TSC22D3: variants seen among roughly 807,000 people sequenced by gnomAD.
The protein encoded by TSC22D3 is TSC22 domain family member 3.
TSC22D3 carries 4 observed loss-of-function variants against 11.1 expected under a neutral mutation model. The observed-to-expected ratio is 0.36, with a 90% CI of 0.18 to 0.83. TSC22D3 has a LOEUF of 0.83. Among genes scored for constraint, TSC22D3 ranks in the 40% least tolerant of loss-of-function variants. The probability of loss-of-function intolerance (pLI) is 0.48; values close to 1 mark genes in which losing one functional copy is unlikely to be tolerated. For missense variants in TSC22D3, 118 were observed against 159.4 expected, an observed-to-expected ratio of 0.74 and a Z score of 1.40; for synonymous variants, 77 against 70.3, an observed-to-expected ratio of 1.10 and a Z score of -0.48.
intron 1 of TSC22D3, among the ~76,000 whole-genome samples, chrX:107,737,201 A>T (rs1393195881): frequency 9.0e-6 from 1 of 111,687 alleles, no homozygotes; most frequent in Non-Finnish European, 1.9e-5. Context: ...GACAAGGGGC[A>T]TGCTGAGGTA....
At chrX:107,742,384 GAGAA>G (rs1401593609) in intron 1 of TSC22D3, among the ~76,000 whole-genome samples, 4 of 107,086 alleles carry the variant, frequency 3.7e-5, no homozygotes, top group Non-Finnish European at 7.8e-5. Context: ...GGGAGAGAGA[GAGAA>G]AGAGAGAGAG....
chrX:107,734,388 T>C (rs975834519), intron 1 of TSC22D3, among the ~76,000 whole-genome samples: 1 of 112,595 alleles, frequency 8.9e-6, no homozygotes, highest in Non-Finnish European at 1.9e-5. Context: ...ATCCAAATAT[T>C]CCCTCCAGGC....
chrX:107,745,248 C>A (rs1928598600), intron 1 of TSC22D3, among the ~76,000 whole-genome samples: 2 of 111,972 alleles, frequency 1.8e-5, no homozygotes, highest in South Asian at 3.7e-4. Context: ...ATCCCAGCAT[C>A]CTCTCCTCTG....
intron 1 of TSC22D3, among the ~76,000 whole-genome samples, chrX:107,754,929 C>T (rs1929105962): frequency 8.9e-6 from 1 of 111,736 alleles, no homozygotes; most frequent in South Asian, 3.7e-4. Context: ...AACACCAGGC[C>T]TAAATGGGTT....
At chrX:107,757,479 C>A (rs963940388) in intron 1 of TSC22D3, among the ~76,000 whole-genome samples, 1 of 112,223 alleles carries the variant, frequency 8.9e-6, no homozygotes, top group African/African-American at 3.2e-5. Flanking sequence ...CTTGAAAATT[C>A]TCTGGTGAGG....
chrX:107,737,762 C>T (rs749409429), intron 1 of TSC22D3, among the ~76,000 whole-genome samples: 5 of 111,865 alleles, frequency 4.5e-5, no homozygotes, highest in Non-Finnish European at 9.4e-5. Context: ...CTTTTCTCAA[C>T]GTGTTTTGTG....
chrX:107,723,039 G>A (rs1276930362), intron 1 of TSC22D3, among the ~76,000 whole-genome samples: 2 of 110,463 alleles, frequency 1.8e-5, no homozygotes, highest in Non-Finnish European at 3.8e-5. Context: ...AAAAAGCCTC[G>A]GGCTTGGGGG....
chrX:107,731,421 A>G (rs1031943777), intron 1 of TSC22D3, among the ~76,000 whole-genome samples: 1 of 111,641 alleles, frequency 9.0e-6, no homozygotes, highest in Non-Finnish European at 1.9e-5. Context: ...TTCTGGGCCC[A>G]TTTCCCCTAA....
chrX:107,775,162 G>A lies in TSC22D3; in HGVS notation c.258C>T (p.Asn86=), dbSNP rs747266351. The change falls in exon 1 of 3, where the codon AAC becomes AAT. Residue 86 remains asparagine, a synonymous_variant. Transcript: ENST00000372383. ...CGATGTTGCGGTTGCAGATGCCCTC[G>A]TTGATCAGGTAGCAGGGGTCCCGCA... ...PVLRDPCYLI[N]EGICNRNIDQ... 7.4e-6 allele frequency: 9 copies of A among 1,212,107 alleles called. No homozygotes were observed. The South Asian group carries it at 1.1e-4, about 14-fold the overall frequency.
At chrX:107,768,012 G>A (rs1276014211) in intron 1 of TSC22D3, among the ~76,000 whole-genome samples, 1 of 112,451 alleles carries the variant, frequency 8.9e-6, no homozygotes, top group African/African-American at 3.2e-5. Context: ...TTTCTCCAGG[G>A]TTCAAGAGGC....
intron 1 of TSC22D3, among the ~76,000 whole-genome samples, chrX:107,758,912 G>A (rs1250786441): frequency 1.8e-5 from 2 of 109,706 alleles, no homozygotes; most frequent in Non-Finnish European, 3.8e-5. Flanking sequence ...ATGGAGTCTC[G>A]CTCTGTCGCA....
chrX:107,733,929 C>A (rs759489999), intron 1 of TSC22D3, among the ~76,000 whole-genome samples: 1 of 111,974 alleles, frequency 8.9e-6, no homozygotes, highest in Non-Finnish European at 1.9e-5. Context: ...CTGCTCTTCC[C>A]ACCCATTTTT....
chrX:107,733,902 C>G (rs372449739), intron 1 of TSC22D3, among the ~76,000 whole-genome samples: 1 of 111,874 alleles, frequency 8.9e-6, no homozygotes, highest in Non-Finnish European at 1.9e-5. Context: ...CCTCTAGGTT[C>G]GGCAGGCACT....
chrX:107,734,274 C>G (rs1928024685), intron 1 of TSC22D3, among the ~76,000 whole-genome samples: 1 of 112,349 alleles, frequency 8.9e-6, no homozygotes, highest in South Asian at 3.7e-4. Flanking sequence ...CAGCTCTGCT[C>G]CTATACACAG....
At chrX:107,729,626 A>T (rs1927794821) in intron 1 of TSC22D3, among the ~76,000 whole-genome samples, 1 of 111,870 alleles carries the variant, frequency 8.9e-6, no homozygotes. Context: ...GTGATAGCCA[A>T]CTCCCTGACA....
intron 1 of TSC22D3, among the ~76,000 whole-genome samples, chrX:107,766,612 C>T (rs1248022849): frequency 1.8e-5 from 2 of 110,629 alleles, no homozygotes; most frequent in Non-Finnish European, 1.9e-5. Flanking sequence ...GTAGGTTCCT[C>T]CCTGCCACCT....
intron 1 of TSC22D3, among the ~76,000 whole-genome samples, chrX:107,742,427 G>T (rs1602390771): frequency 9.0e-6 from 1 of 110,694 alleles, no homozygotes; most frequent in African/African-American, 3.3e-5. Flanking sequence ...GTGTGTCTGA[G>T]AGGCTCTGCT....
chrX:107,755,260 G>A (rs918643415), intron 1 of TSC22D3, among the ~76,000 whole-genome samples: 2 of 112,820 alleles, frequency 1.8e-5, no homozygotes, highest in Non-Finnish European at 3.7e-5. Context: ...TAATGTCAGA[G>A]AGCAGAAGTT....
At chrX:107,716,332 T>C in intron 1 of TSC22D3, 2 of 911,162 alleles carry the variant, frequency 2.2e-6, no homozygotes, top group South Asian at 8.1e-5. Flanking sequence ...TGAAGCTAGC[T>C]AGGAATTCCT....
Sources: gnomAD v4.1 joint callset for allele counts (sites outside exome capture counted in the v4.1 genomes callset) on GRCh38, gnomAD v4.1.1 for gene constraint, MANE v1.5 for transcripts, NCBI Gene and HGNC (gene_info 2026-07-23, HGNC 2026-07-21) for gene names.